PPARGC1A: variants seen among roughly 807,000 people sequenced by gnomAD.
PPARGC1A encodes the protein PPARG coactivator 1 alpha.
Under a neutral mutation model 88.7 loss-of-function variants are expected in PPARGC1A, and 25 were observed. The ratio of observed to expected loss-of-function variants is 0.28; its 90% CI spans 0.21 to 0.39. The LOEUF (loss-of-function observed/expected upper bound fraction) is 0.39. Ranked by LOEUF, PPARGC1A falls within the 10% of genes least tolerant of loss-of-function variation. The probability of loss-of-function intolerance (pLI) is 1.00; values close to 1 mark genes in which losing one functional copy is unlikely to be tolerated. For synonymous variants in PPARGC1A, 363 were observed against 355.6 expected (o/e 1.02, Z -0.24); for missense variants, 880 against 968.7 (o/e 0.91, Z 1.22).
At chr4:24,253,708 G>C in the PPARGC1A span, among the ~76,000 whole-genome samples, 1,623 of 150,198 alleles carry the variant, frequency 0.011, 15 homozygotes, top group South Asian at 0.041. Flanking sequence ...GCCTCTTTAC[G>C]TTTGTCACCA....
the PPARGC1A span, among the ~76,000 whole-genome samples, chr4:24,269,131 A>T: frequency 6.6e-6 from 1 of 152,302 alleles, no homozygotes; most frequent in Non-Finnish European, 1.5e-5. Context: ...ATGTACCAGC[A>T]CCAGGAAGTA....
At chr4:23,943,325 G>A in the PPARGC1A span, among the ~76,000 whole-genome samples, 7 of 150,814 alleles carry the variant, frequency 4.6e-5, no homozygotes, top group Non-Finnish European at 8.8e-5. Context: ...TAGCAAACAT[G>A]AGTGCAAATA....
At chr4:23,965,731 G>A in the PPARGC1A span, among the ~76,000 whole-genome samples, 2 of 152,082 alleles carry the variant, frequency 1.3e-5, no homozygotes, top group Non-Finnish European at 1.5e-5. Flanking sequence ...GGGCCCTTCC[G>A]AACCCAGGGG....
the PPARGC1A span, among the ~76,000 whole-genome samples, chr4:24,130,958 A>G: frequency 6.6e-6 from 1 of 152,088 alleles, no homozygotes; most frequent in Non-Finnish European, 1.5e-5. Flanking sequence ...GCCCAGCAAA[A>G]CCTGCTGAGA....
At chr4:24,407,990 A>G in the PPARGC1A span, among the ~76,000 whole-genome samples, 2 of 152,182 alleles carry the variant, frequency 1.3e-5, no homozygotes, top group South Asian at 4.1e-4. Flanking sequence ...CAACACTTGA[A>G]TCTAAAAATC....
the PPARGC1A span, among the ~76,000 whole-genome samples, chr4:24,272,789 A>C: frequency 2.0e-5 from 3 of 152,316 alleles, no homozygotes; most frequent in African/African-American, 7.2e-5. Flanking sequence ...ACCACCATGA[A>C]CCACATTTCC....
chr4:24,235,145 GA>G, the PPARGC1A span, among the ~76,000 whole-genome samples: 1 of 152,188 alleles, frequency 6.6e-6, no homozygotes, highest in Admixed American at 6.6e-5. Context: ...AAAAATGTCA[GA>G]GAAGCATCCA....
the PPARGC1A span, among the ~76,000 whole-genome samples, chr4:24,049,705 G>C: frequency 6.6e-6 from 1 of 152,032 alleles, no homozygotes; most frequent in Non-Finnish European, 1.5e-5. Context: ...CTCTGTAAAA[G>C]TCATATGTAG....
chr4:23,828,312 G>A, intron 5 of PPARGC1A, 88 bp downstream of exon 5: 1 of 1,350,912 alleles, frequency 7.4e-7, no homozygotes, highest in South Asian at 1.2e-5. Flanking sequence ...TGGGACGGAA[G>A]CAAGAAGTTG....
the PPARGC1A span, among the ~76,000 whole-genome samples, chr4:24,243,357 A>G: frequency 6.6e-6 from 1 of 152,226 alleles, no homozygotes; most frequent in Non-Finnish European, 1.5e-5. Context: ...CCCACCTCAC[A>G]TAACAGTGAA....
rs776701526 is a variant in PPARGC1A, at chr4:23,814,040, G to T, written c.1443C>A (p.Thr481=). The T allele has an allele frequency of 6.2e-7, 1 of 1,613,854 alleles. No individual in the cohort carries two copies. The highest frequency in any genetic ancestry group is 2.2e-5 in the East Asian group (1 of 44,864). ...QAVFDDEADK[T]GELRDSDFSN... ...TGAAATCACTGTCCCTCAGTTCACC[G>T]GTCTTGTCTGCTTCGTCGTCAAAAA... The change falls in exon 8 of 13, where the codon ACC becomes ACA. Residue 481 remains threonine (T), a synonymous_variant. Transcript: ENST00000264867.
the PPARGC1A span, among the ~76,000 whole-genome samples, chr4:24,336,975 T>C: frequency 1.3e-5 from 2 of 152,222 alleles, no homozygotes; most frequent in African/African-American, 4.8e-5. Flanking sequence ...AAAAGTTATT[T>C]CTGCAATTTT....
the PPARGC1A span, among the ~76,000 whole-genome samples, chr4:24,392,066 G>T: frequency 1.5e-4 from 23 of 152,114 alleles, no homozygotes; most frequent in African/African-American, 5.6e-4. Flanking sequence ...AAACCTGATA[G>T]TTTTCCTATA....
the PPARGC1A span, among the ~76,000 whole-genome samples, chr4:24,250,229 C>T: frequency 1.4e-4 from 21 of 152,220 alleles, no homozygotes; most frequent in Non-Finnish European, 1.0e-4. Flanking sequence ...ATTCCTTGCC[C>T]GGTGTGGCTG....
At chr4:24,151,893 G>A in the PPARGC1A span, among the ~76,000 whole-genome samples, 1 of 152,306 alleles carries the variant, frequency 6.6e-6, no homozygotes, top group South Asian at 2.1e-4. Context: ...TAATTGAATA[G>A]TAGTTGAAAT....
chr4:23,869,347 AGG>A (rs1712768727), intron 2 of PPARGC1A, among the ~76,000 whole-genome samples: 1 of 152,194 alleles, frequency 6.6e-6, no homozygotes, highest in Non-Finnish European at 1.5e-5. Flanking sequence ...ACAGTGGTCG[AGG>A]AGGGCAGCAT....
chr4:24,230,962 A>AAAAAAAAGACG, the PPARGC1A span, among the ~76,000 whole-genome samples: 11 of 151,658 alleles, frequency 7.3e-5, no homozygotes, highest in Non-Finnish European at 1.0e-4. Context: ...AAAAAAATAA[A>AAAAAAAAGACG]AAAAGACGAA....
chr4:23,844,519 TCAC>T (rs1727731289), intron 2 of PPARGC1A, among the ~76,000 whole-genome samples: 1 of 115,352 alleles, frequency 8.7e-6, no homozygotes, highest in Non-Finnish European at 1.6e-5. Flanking sequence ...AATATAATAA[TCAC>T]ATAATATAAT....
At chr4:24,185,152 T>C in the PPARGC1A span, among the ~76,000 whole-genome samples, 1 of 152,236 alleles carries the variant, frequency 6.6e-6, no homozygotes. Context: ...TCATCAGATG[T>C]ACCAAATGTT....
Sources: gnomAD v4.1 joint callset for allele counts (sites outside exome capture counted in the v4.1 genomes callset) on GRCh38, gnomAD v4.1.1 for gene constraint, MANE v1.5 for transcripts, NCBI Gene and HGNC (gene_info 2026-07-23, HGNC 2026-07-21) for gene names.